Variants in MYH2 observed in about 807,000 individuals in gnomAD.
MYH2 encodes the protein myosin heavy chain 2.
In MYH2, 139 loss-of-function variants were observed where a neutral mutation model predicts 228.1. That is an observed-to-expected ratio of 0.61 (90% CI 0.53 to 0.70). The LOEUF (loss-of-function observed/expected upper bound fraction) is 0.70. Ranked by LOEUF, MYH2 falls within the 30% of genes least tolerant of loss-of-function variation. The probability of loss-of-function intolerance (pLI) is 0.00; values close to 1 mark genes in which losing one functional copy is unlikely to be tolerated. For synonymous variants in MYH2, 796 were observed against 871.1 expected, an observed-to-expected ratio of 0.91 and a Z score of 1.52; for missense variants, 1,809 against 2,357.5, an observed-to-expected ratio of 0.77 and a Z score of 4.82.
rs984238043 is a variant in MYH2, at chr17:10,527,679, C to A, written c.3871+69G>T. 3 of 1,610,162 alleles carry A rather than the reference C, an allele frequency of 1.9e-6. No individual in the cohort carries two copies. The African/African-American group carries it at 4.0e-5, about 21-fold the overall frequency. ...GCTGTTTTATTAGGCTCCCACTTCACCAAATCAGTCCGTTGTTCTTAATCA... is the reference window on the plus strand; with the variant it reads ...GCTGTTTTATTAGGCTCCCACTTCAACAAATCAGTCCGTTGTTCTTAATCA... On this transcript the variant is annotated intron_variant, in intron 28 of 39. Coordinates refer to ENST00000245503, the MANE Select transcript of MYH2 (RefSeq NM_017534.6).
intron 5 of MYH2, 87 bp downstream of exon 5, chr17:10,545,259 G>A (rs1389420107): frequency 1.2e-5 from 19 of 1,606,180 alleles, no homozygotes; most frequent in Middle Eastern, 2.3e-4. Flanking sequence ...ACGATCTCAA[G>A]GAATGTGTTG....
rs372967647 is a variant in MYH2, at chr17:10,543,823, C to G, written c.649-20G>C. On this transcript the variant is annotated intron_variant, in intron 7 of 39. Transcript: ENST00000245503. ...AGTCCCCTGCAAAGGCAAGAGCAGT[C>G]CTTGCATCTGGGGCTTGGGAATTTC... 1.9e-5 allele frequency: 30 copies of G among 1,613,838 alleles called. 1 individual carries two copies. In the South Asian group the frequency reaches 3.2e-4, roughly 17 times the overall value.
chr17:10,540,944 G>A (rs1205229546), intron 10 of MYH2, among the ~76,000 whole-genome samples: 1 of 152,144 alleles, frequency 6.6e-6, no homozygotes. Flanking sequence ...CATAAATTGT[G>A]ACGATTTCAT....
chr17:10,543,531 G>C (rs1479277751), intron 8 of MYH2, among the ~76,000 whole-genome samples, 180 bp downstream of exon 8: 1 of 113,826 alleles, frequency 8.8e-6, no homozygotes, highest in African/African-American at 3.4e-5. Context: ...AAGAACTCAG[G>C]AAAAAGGCCA....
chr17:10,545,418 C>T lies in MYH2; in HGVS notation c.433G>A (p.Gly145Ser). 2 of 1,614,116 alleles carry T rather than the reference C, an allele frequency of 1.2e-6. No homozygotes were observed. Among genetic ancestry groups the T allele is most frequent in the South Asian group, 1.1e-5 (1 of 91,068 alleles). The change falls in exon 5 of 40, where the codon GGC (glycine) becomes AGC (serine). Residue 145 changes from glycine to serine, a missense_variant. Gly to Ser is a moderately conservative substitution (Grantham distance 56). This residue lies in a region of MYH2 where 373 missense variants were observed against 620.4 expected (regional missense o/e 0.60). Transcript: ENST00000245503. ...YKPEVVTAYRGKKRQEAPPHI... is the reference protein window; with the variant it reads ...YKPEVVTAYRSKKRQEAPPHI... ...GGCGGGGCCTCCTGGCGCTTTTTGCCTCGGTAGGCTGTCACCACCTCGGGC... is the reference window on the plus strand; with the variant it reads ...GGCGGGGCCTCCTGGCGCTTTTTGCTTCGGTAGGCTGTCACCACCTCGGGC...
chr17:10,536,612 G>A lies in MYH2; in HGVS notation c.1898-6C>T, dbSNP rs1199011159. On this transcript the variant is annotated splice_polypyrimidine_tract_variant and splice_region_variant and intron_variant, in intron 16 of 39. Transcript: ENST00000245503. ...GGCCCCTCCACCAGCTCCCTCTGAA[G>A]AAAAAGGAAGAAAAGAAATACTGTT... The A allele has an allele frequency of 3.7e-6, 6 of 1,611,016 alleles. No homozygotes were observed. Among genetic ancestry groups the A allele is most frequent in the Admixed American group, 3.3e-5 (2 of 59,916 alleles).
Position 10,533,391 on chromosome 17 carries a change from G to A in MYH2, c.2335C>T (p.Leu779=). ...AGCTTGTCATCTCGCATCTCCTCTA[G>A]GAGCCCCAGAAGACCAGCTTTGAAA... ...VFFKAGLLGL[L]EEMRDDKLAQ... is the part of the protein sequence containing the mutation. The change falls in exon 21 of 40, where the codon CTA becomes TTA. Residue 779 remains leucine, a synonymous_variant. Coordinates refer to ENST00000245503, the MANE Select transcript of MYH2 (RefSeq NM_017534.6). The A allele has an allele frequency of 6.2e-7, 1 of 1,614,150 alleles. No homozygotes were observed. The highest frequency in any genetic ancestry group is 8.5e-7 in the Non-Finnish European group (1 of 1,180,026).
At chr17:10,528,311 A>G (rs908537275) in intron 27 of MYH2, among the ~76,000 whole-genome samples, 3 of 152,208 alleles carry the variant, frequency 2.0e-5, no homozygotes, top group East Asian at 1.9e-4. Flanking sequence ...TTAGAATTGT[A>G]TAGTGTACAT....
At position 10,547,098 on chromosome 17, in the gene MYH2, A is replaced by T. The variant is rs186769613; in HGVS notation, c.348+377T>A. Among the ~76,000 whole-genome samples, 43 of 152,322 alleles carry T rather than the reference A, an allele frequency of 2.8e-4. No individual in the cohort carries two copies. In the East Asian group the frequency reaches 4.8e-3, roughly 17 times the overall value. ...AGAGCAAGACTCTGTCTCAAAAAAA[A>T]ATTAAAATAGTTTAAAGTGTTAAAA... On this transcript the variant is annotated intron_variant, in intron 4 of 39. Transcript: ENST00000245503.
intron 27 of MYH2, among the ~76,000 whole-genome samples, chr17:10,528,280 T>C (rs542187415): frequency 1.3e-5 from 2 of 152,358 alleles, no homozygotes; most frequent in South Asian, 4.1e-4. Context: ...GTTAAGGTTA[T>C]ATTCTAATTT....
At position 10,524,165 on chromosome 17, in the gene MYH2, A is replaced by G. The variant is rs999406197; in HGVS notation, c.5176-281T>C. ...ATTCACAGGGATAAAAGTATAATGGACTTTCTCATAACATTCCATTTCTCC... is the reference window on the plus strand; with the variant it reads ...ATTCACAGGGATAAAAGTATAATGGGCTTTCTCATAACATTCCATTTCTCC... On this transcript the variant is annotated intron_variant, in intron 35 of 39. Coordinates refer to ENST00000245503, the MANE Select transcript of MYH2 (RefSeq NM_017534.6). This position sits in a 1 kb window ranked among gnomAD's most constrained non-coding sequence, Gnocchi z 4.7. 5.9e-5 allele frequency among the ~76,000 whole-genome samples: 9 copies of G among 152,334 alleles called. No homozygotes were observed. Among genetic ancestry groups the G allele is most frequent in the East Asian group, 1.9e-4 (1 of 5,184 alleles).
At position 10,525,463 on chromosome 17, in the gene MYH2, T is replaced by C; in HGVS notation, c.4525A>G (p.Lys1509Glu). 1 of 1,614,222 alleles carries C rather than the reference T, an allele frequency of 6.2e-7. No individual in the cohort carries two copies. Among genetic ancestry groups the C allele is most frequent in the Non-Finnish European group, 8.5e-7 (1 of 1,180,044 alleles). The part of the protein sequence containing the change: ...DQLETLKREN[K>E]NLQQEISDLT... Reference sequence around the variant, plus strand: ...GATAGGGACTTACGCTGTAAGTTTTTGTTCTCTCGCTTCAGGGTTTCTAGC... The same window carrying C: ...GATAGGGACTTACGCTGTAAGTTTTCGTTCTCTCGCTTCAGGGTTTCTAGC... Residue 1509 changes from lysine to glutamate, a missense_variant, in exon 32 of 40, where the codon AAA (lysine) becomes GAA (glutamate). Physicochemically the swap from Lys to Glu is moderately conservative, Grantham distance 56. Transcript: ENST00000245503. This position sits in a 1 kb window ranked among gnomAD's most constrained non-coding sequence, Gnocchi z 4.2.
chr17:10,544,610 G>GAGTA (rs1347932202), intron 5 of MYH2, among the ~76,000 whole-genome samples: 7 of 152,192 alleles, frequency 4.6e-5, no homozygotes, highest in Non-Finnish European at 1.0e-4. Flanking sequence ...GTGTGAAAAG[G>GAGTA]AGTAAGTACA....
intron 37 of MYH2, 33 bp downstream of exon 37, chr17:10,523,463 C>G: frequency 6.2e-7 from 1 of 1,614,184 alleles, no homozygotes; most frequent in Non-Finnish European, 8.5e-7. Flanking sequence ...GCACTGAAAG[C>G]AGATGGAAAT....
rs1479658559 is a variant in MYH2, at chr17:10,530,048, C to T, written c.2724G>A (p.Glu908=). 1 of 1,614,224 alleles carries T rather than the reference C, an allele frequency of 6.2e-7. No homozygotes were observed. Among genetic ancestry groups the T allele is most frequent in the Non-Finnish European group, 8.5e-7 (1 of 1,180,034 alleles). Residue 908 remains glutamate (E), a synonymous_variant, in exon 23 of 40, where the codon GAG becomes GAA. Coordinates refer to ENST00000245503, the MANE Select transcript of MYH2 (RefSeq NM_017534.6). ...TTTTGATTAGCTGGTCACACCTTTC[C>T]TCTGCATCAGCCAAGCCTTCGGCTT... ...QAEAEGLADA[E]ERCDQLIKTK...
chr17:10,532,030 A>G, intron 21 of MYH2, 142 bp from the exon 22 acceptor site: 1 of 1,074,628 alleles, frequency 9.3e-7, no homozygotes, highest in Non-Finnish European at 1.4e-6. Context: ...TTTCGGGATG[A>G]TGGTCAAGGT....
rs1275042202 is a variant in MYH2, at chr17:10,525,811, G to A, written c.4253C>T (p.Ala1418Val). The change falls in exon 31 of 40, where the codon GCT becomes GTT. Residue 1418 changes from alanine to valine, a missense_variant. Around this residue, in one of 9 missense-constraint regions of MYH2, gnomAD observed 636 missense variants for 729.9 expected, o/e 0.87. Coordinates refer to ENST00000245503, the MANE Select transcript of MYH2 (RefSeq NM_017534.6). The surrounding 1 kb of genome is among the most constrained non-coding windows in gnomAD (Gnocchi z 4.2). ...CCGCTGCTTCGTCTTTTCGAGGGAA[G>A]CACATTTGGCGTTCACAGCTTCTAC... ...EHVEAVNAKCASLEKTKQRLQ... is the reference protein window; with the variant it reads ...EHVEAVNAKCVSLEKTKQRLQ... The A allele has an allele frequency of 6.2e-7, 1 of 1,614,136 alleles. No homozygotes were observed. The highest frequency in any genetic ancestry group is 1.1e-5 in the South Asian group (1 of 91,078).
In MYH2 at chr17:10,525,834, T is replaced by C. The variant is rs949599090; in HGVS notation, c.4230A>G (p.Val1410=). 4.3e-6 allele frequency: 7 copies of C among 1,614,060 alleles called. No homozygotes were observed. The African/African-American group carries it at 8.0e-5, about 18-fold the overall frequency. Residue 1410 remains valine, a synonymous_variant, in exon 31 of 40, where the codon GTA becomes GTG. Coordinates refer to ENST00000245503, the MANE Select transcript of MYH2 (RefSeq NM_017534.6). This position sits in a 1 kb window ranked among gnomAD's most constrained non-coding sequence, Gnocchi z 4.2. ...AQRLQAAEEH[V]EAVNAKCASL... ...AAGCACATTTGGCGTTCACAGCTTC[T>C]ACATGTTCCTCAGCTGCCTGCAGCC...
chr17:10,522,618 A>G (rs1476817662), intron 39 of MYH2, among the ~76,000 whole-genome samples: 2 of 152,056 alleles, frequency 1.3e-5, no homozygotes, highest in African/African-American at 4.8e-5. Flanking sequence ...TTCATAATGA[A>G]AGCATTTAAA....
Sources: allele counts gnomAD v4.1 joint callset (sites outside exome capture counted in the v4.1 genomes callset), GRCh38; gene constraint gnomAD v4.1.1; regional missense constraint gnomAD v4.1.1; non-coding constraint Gnocchi (gnomAD v3.1); transcripts MANE v1.5; gene names NCBI Gene and HGNC (gene_info 2026-07-23, HGNC 2026-07-21).